ESRRG: variants seen among roughly 807,000 people sequenced by gnomAD.
The protein encoded by ESRRG is estrogen-related receptor gamma.
A neutral mutation model predicts 44.0 loss-of-function variants in ESRRG; 13 were observed. That is an observed-to-expected ratio of 0.30 (90% CI 0.19 to 0.47). The LOEUF (loss-of-function observed/expected upper bound fraction) is 0.47, where lower values mean the gene tolerates loss of function less well. ESRRG is among the 20% of genes least tolerant of loss of function. The pLI is 1.00. For synonymous variants in ESRRG, 215 were observed against 214.6 expected (o/e 1.00, Z -0.02); for missense variants, 395 against 580.6 (o/e 0.68, Z 3.29).
At chr1:216,562,135 C>T (rs1206162496) in intron 5 of ESRRG, among the ~76,000 whole-genome samples, 1 of 152,038 alleles carries the variant, frequency 6.6e-6, no homozygotes, top group African/African-American at 2.4e-5. Flanking sequence ...TTTTATTATG[C>T]TTTATCTGTA....
chr1:216,679,897 T>A (rs11117661), intron 1 of ESRRG, among the ~76,000 whole-genome samples: 31,981 of 152,058 alleles, frequency 0.21, 3,653 homozygotes, highest in Middle Eastern at 0.28. Context: ...ATGCATGTTG[T>A]TAAAGTCCCT....
At chr1:216,617,825 T>G (rs916923683) in intron 3 of ESRRG, among the ~76,000 whole-genome samples, 3 of 152,126 alleles carry the variant, frequency 2.0e-5, no homozygotes, top group African/African-American at 7.2e-5. Context: ...ACTCTGAAAA[T>G]GCAAGTCACT....
chr1:217,007,056 A>T (rs12402712), intron 1 of ESRRG, among the ~76,000 whole-genome samples: 19,820 of 152,170 alleles, frequency 0.13, 2,204 homozygotes, highest in African/African-American at 0.3. Context: ...ATAATCCATC[A>T]GGATTTTTCT....
chr1:217,021,022 C>T (rs4564210), intron 1 of ESRRG, among the ~76,000 whole-genome samples: 13,614 of 150,112 alleles, frequency 0.091, 1,649 homozygotes, highest in African/African-American at 0.28. Context: ...CTAGGAGAAC[C>T]CCCCCATCCC....
At chr1:216,612,725 C>A (rs1169894859) in intron 3 of ESRRG, among the ~76,000 whole-genome samples, 1 of 152,172 alleles carries the variant, frequency 6.6e-6, no homozygotes, top group Non-Finnish European at 1.5e-5. Flanking sequence ...TCAGGTTCTT[C>A]CAAAACTGCT....
At chr1:216,629,560 A>T (rs1477631287) in intron 3 of ESRRG, among the ~76,000 whole-genome samples, 2 of 152,200 alleles carry the variant, frequency 1.3e-5, no homozygotes, top group Non-Finnish European at 2.9e-5. Flanking sequence ...TAGGAATGCT[A>T]ACTTTTTTTC....
At chr1:216,718,606 T>C (rs1416973861) in intron 1 of ESRRG, among the ~76,000 whole-genome samples, 1 of 152,016 alleles carries the variant, frequency 6.6e-6, no homozygotes. Flanking sequence ...TCAGAGAATG[T>C]AGAGAACTGC....
At chr1:216,846,535 CA>C (rs1481237170) in intron 2 of ESRRG, among the ~76,000 whole-genome samples, 1 of 152,082 alleles carries the variant, frequency 6.6e-6, no homozygotes, top group Non-Finnish European at 1.5e-5. Context: ...ATTTTATTCA[CA>C]AAAACAGGCA....
chr1:217,032,845 A>C (rs1218712329), intron 1 of ESRRG, among the ~76,000 whole-genome samples: 6 of 152,208 alleles, frequency 3.9e-5, no homozygotes, highest in Non-Finnish European at 8.8e-5. Context: ...TCTATGTTTC[A>C]TCAGGGATGC....
intron 2 of ESRRG, among the ~76,000 whole-genome samples, chr1:216,922,966 C>A (rs1341888242): frequency 3.8e-5 from 5 of 130,782 alleles, no homozygotes; most frequent in Admixed American, 2.9e-4. Context: ...GATAACTATG[C>A]CCTAAGTCTT....
chr1:216,803,733 C>G (rs999946168), intron 2 of ESRRG, among the ~76,000 whole-genome samples: 5 of 152,034 alleles, frequency 3.3e-5, no homozygotes, highest in African/African-American at 1.2e-4. Context: ...GCTCTGCCAG[C>G]CATTCCTATT....
At chr1:216,553,223 C>T (rs552341097) in intron 5 of ESRRG, among the ~76,000 whole-genome samples, 4 of 152,278 alleles carry the variant, frequency 2.6e-5, no homozygotes, top group South Asian at 4.1e-4. Flanking sequence ...TGTGCCCTGG[C>T]ACAAACGTGC....
At chr1:216,546,534 A>C (rs1010439769) in intron 5 of ESRRG, among the ~76,000 whole-genome samples, 1 of 151,994 alleles carries the variant, frequency 6.6e-6, no homozygotes, top group Non-Finnish European at 1.5e-5. Context: ...ATTCATAATA[A>C]ATTTTTAACA....
intron 2 of ESRRG, among the ~76,000 whole-genome samples, chr1:216,843,834 C>G (rs1217711198): frequency 6.7e-6 from 1 of 150,006 alleles, no homozygotes; most frequent in Non-Finnish European, 1.5e-5. Context: ...ATTAAGAGTT[C>G]TTTTTGCTGT....
chr1:216,782,594 T>C (rs1576503146), intron 2 of ESRRG, among the ~76,000 whole-genome samples: 1 of 152,106 alleles, frequency 6.6e-6, no homozygotes, highest in Non-Finnish European at 1.5e-5. Flanking sequence ...ACAGCAGAAT[T>C]GAGTCATTTT....
chr1:216,688,091 T>C (rs970050960), intron 1 of ESRRG, among the ~76,000 whole-genome samples: 2 of 151,612 alleles, frequency 1.3e-5, no homozygotes, highest in Non-Finnish European at 2.9e-5. Context: ...AGAGATATTA[T>C]GAAAATTCAG....
intron 1 of ESRRG, among the ~76,000 whole-genome samples, chr1:216,969,379 T>C (rs1368490908): frequency 1.3e-5 from 2 of 152,136 alleles, no homozygotes; most frequent in East Asian, 3.9e-4. Flanking sequence ...AAGGAACTTA[T>C]TTTTGATTAA....
intron 1 of ESRRG, among the ~76,000 whole-genome samples, chr1:217,085,027 C>T (rs770568097): frequency 9.9e-5 from 15 of 152,104 alleles, no homozygotes; most frequent in East Asian, 1.9e-4. Context: ...CCAAGAGGAA[C>T]GGGAGATGAG....
At chr1:217,099,428 T>G (rs2092473970) in intron 1 of ESRRG, among the ~76,000 whole-genome samples, 1 of 152,204 alleles carries the variant, frequency 6.6e-6, no homozygotes, top group Non-Finnish European at 1.5e-5. Context: ...AATTAATTCT[T>G]TTTAATTTTC....
Sources: allele counts gnomAD v4.1 joint callset (sites outside exome capture counted in the v4.1 genomes callset), GRCh38; gene constraint gnomAD v4.1.1; transcripts MANE v1.5; gene names NCBI Gene and HGNC (gene_info 2026-07-23, HGNC 2026-07-21).